The following DLG2 variants were observed in gnomAD, a reference collection of about 807,000 sequenced individuals.
The protein encoded by DLG2 is discs large MAGUK scaffold protein 2, also known as disks large homolog 2.
In DLG2, 45 loss-of-function variants were observed where a neutral mutation model predicts 132.5. The observed-to-expected ratio is 0.34, with a 90% CI of 0.27 to 0.44. DLG2 has a LOEUF of 0.44. Ranked by LOEUF, DLG2 falls within the 20% of genes least tolerant of loss-of-function variation. The probability of loss-of-function intolerance (pLI) is 1.00; values close to 1 mark genes in which losing one functional copy is unlikely to be tolerated. For missense variants in DLG2, 1,045 were observed against 1,196.9 expected (o/e 0.87, Z 1.87); for synonymous variants, 424 against 419.6 (o/e 1.01, Z -0.13).
intron 3 of DLG2, among the ~76,000 whole-genome samples, chr11:85,306,545 T>A (rs1420908689): frequency 6.6e-6 from 1 of 152,192 alleles, no homozygotes. Context: ...GAACTATTAG[T>A]GGAGATCTGA....
chr11:84,458,378 T>C (rs2099071032), intron 7 of DLG2, among the ~76,000 whole-genome samples: 1 of 150,896 alleles, frequency 6.6e-6, no homozygotes, highest in Admixed American at 6.6e-5. Context: ...GTAAATCCTG[T>C]TCAGAAGTAT....
chr11:84,452,803 G>A (rs1210603958), intron 7 of DLG2, among the ~76,000 whole-genome samples: 1 of 151,660 alleles, frequency 6.6e-6, no homozygotes, highest in Non-Finnish European at 1.5e-5. Context: ...GTGTGCACCT[G>A]TAATTCCAGC....
intron 11 of DLG2, among the ~76,000 whole-genome samples, chr11:83,999,193 T>C (rs2094203193): frequency 6.6e-6 from 1 of 152,166 alleles, no homozygotes; most frequent in Non-Finnish European, 1.5e-5. Context: ...AGGACAAGCC[T>C]GCCTGGCCTG....
At chr11:85,130,291 T>A (rs1261692596) in intron 5 of DLG2, among the ~76,000 whole-genome samples, 1 of 152,180 alleles carries the variant, frequency 6.6e-6, no homozygotes, top group Admixed American at 6.6e-5. Flanking sequence ...TCAGCATCCC[T>A]CTGCTCATTA....
intron 6 of DLG2, among the ~76,000 whole-genome samples, chr11:84,592,275 G>T (rs1391738338): frequency 6.6e-6 from 1 of 152,174 alleles, no homozygotes; most frequent in Non-Finnish European, 1.5e-5. Flanking sequence ...GAAAGTATAT[G>T]ATGTGGGCAA....
chr11:83,572,754 G>A (rs567395160), intron 19 of DLG2, among the ~76,000 whole-genome samples: 1 of 152,288 alleles, frequency 6.6e-6, no homozygotes, highest in South Asian at 2.1e-4. Flanking sequence ...TCCTTAGTGA[G>A]GCAACTCACT....
At chr11:84,838,717 C>T (rs928414854) in intron 6 of DLG2, among the ~76,000 whole-genome samples, 61 of 151,962 alleles carry the variant, frequency 4.0e-4, no homozygotes, top group African/African-American at 1.4e-3. Context: ...TAATCCATCA[C>T]ATAAACGGAA....
At chr11:84,744,051 C>T (rs745866992) in intron 6 of DLG2, among the ~76,000 whole-genome samples, 1 of 152,110 alleles carries the variant, frequency 6.6e-6, no homozygotes, top group Non-Finnish European at 1.5e-5. Context: ...ATGGTTGAAT[C>T]ACACGTTTCT....
intron 14 of DLG2, among the ~76,000 whole-genome samples, chr11:83,958,190 A>G (rs769930387): frequency 2.6e-5 from 4 of 152,224 alleles, no homozygotes; most frequent in Admixed American, 2.0e-4. Flanking sequence ...CAACTTGAAT[A>G]TATATTAGAT....
At chr11:84,699,103 C>T (rs758740538) in intron 6 of DLG2, among the ~76,000 whole-genome samples, 24 of 151,558 alleles carry the variant, frequency 1.6e-4, no homozygotes, top group Non-Finnish European at 2.7e-4. Context: ...TCAAAATCCC[C>T]AAGTCTCTTC....
rs933178851 is a variant in DLG2 at position 85,375,254 on chromosome 11, A to C, written c.41-89889T>G. ...CCTTGTAGAATATTGGAGAATAAGC[A>C]AAATGCATTAAATAACTACTGGGGA... On this transcript the variant is annotated intron_variant, in intron 3 of 27. Coordinates refer to ENST00000376104, the MANE Select transcript of DLG2 (RefSeq NM_001142699.3). 2.0e-5 allele frequency among the ~76,000 whole-genome samples: 3 copies of C among 152,230 alleles called. No individual in the cohort carries two copies. The East Asian group carries it at 5.8e-4, about 29-fold the overall frequency.
intron 18 of DLG2, among the ~76,000 whole-genome samples, chr11:83,650,978 T>C (rs2070107429): frequency 6.6e-6 from 1 of 152,234 alleles, no homozygotes; most frequent in Non-Finnish European, 1.5e-5. Flanking sequence ...TTTGCTCTTT[T>C]AAATGAAATT....
chr11:84,205,035 G>T (rs147146173), intron 8 of DLG2, among the ~76,000 whole-genome samples: 1 of 152,116 alleles, frequency 6.6e-6, no homozygotes, highest in Non-Finnish European at 1.5e-5. Context: ...AAAAAACATA[G>T]ATAGAAATTA....
intron 7 of DLG2, among the ~76,000 whole-genome samples, chr11:84,392,910 C>G (rs1216888808): frequency 6.6e-6 from 1 of 152,022 alleles, no homozygotes; most frequent in Non-Finnish European, 1.5e-5. Context: ...TTTAACATAG[C>G]ATAAATATAG....
intron 3 of DLG2, among the ~76,000 whole-genome samples, chr11:85,439,651 G>A (rs376729134): frequency 5.3e-5 from 8 of 152,100 alleles, no homozygotes; most frequent in Admixed American, 2.0e-4. Context: ...GAGCCACCGC[G>A]CCCGGCCTGT....
chr11:84,026,106 GA>G (rs1318866926), intron 11 of DLG2, among the ~76,000 whole-genome samples: 4 of 152,104 alleles, frequency 2.6e-5, no homozygotes, highest in African/African-American at 9.7e-5. Flanking sequence ...CCTAGCAAGA[GA>G]AGTTATAGGA....
intron 18 of DLG2, among the ~76,000 whole-genome samples, chr11:83,746,327 C>G (rs1201324570): frequency 6.6e-6 from 1 of 152,164 alleles, no homozygotes; most frequent in Non-Finnish European, 1.5e-5. Context: ...GGAACCAACT[C>G]AAATGTCCAA....
At chr11:85,512,727 T>C (rs1368355694) in intron 3 of DLG2, among the ~76,000 whole-genome samples, 2 of 152,122 alleles carry the variant, frequency 1.3e-5, no homozygotes, top group Non-Finnish European at 2.9e-5. Context: ...AAGGGAATGC[T>C]TATACACTAT....
At chr11:84,551,966 G>A (rs912887742) in intron 6 of DLG2, among the ~76,000 whole-genome samples, 7 of 152,086 alleles carry the variant, frequency 4.6e-5, no homozygotes, top group Non-Finnish European at 8.8e-5. Flanking sequence ...TCCAGAGTGG[G>A]GTCCATCTAA....
Sources: gnomAD v4.1 joint callset for allele counts (sites outside exome capture counted in the v4.1 genomes callset) on GRCh38, gnomAD v4.1.1 for gene constraint, MANE v1.5 for transcripts, NCBI Gene and HGNC (gene_info 2026-07-23, HGNC 2026-07-21) for gene names.